The following BPI variants were observed in gnomAD, a reference collection of about 807,000 sequenced individuals.
BPI encodes bactericidal permeability-increasing protein.
A neutral mutation model predicts 57.6 loss-of-function variants in BPI; 48 were observed. The ratio of observed to expected loss-of-function variants is 0.83; its 90% CI spans 0.66 to 1.06. The LOEUF (loss-of-function observed/expected upper bound fraction) is 1.06. BPI is among the 50% of genes least tolerant of loss of function. The pLI is 0.00. For synonymous variants in BPI, 237 were observed against 238.2 expected, an observed-to-expected ratio of 0.99 and a Z score of 0.05; for missense variants, 651 against 609.7, an observed-to-expected ratio of 1.07 and a Z score of -0.71.
At chr20:38,327,969 G>C (rs928700208) in intron 11 of BPI, among the ~76,000 whole-genome samples, 1 of 152,152 alleles carries the variant, frequency 6.6e-6, no homozygotes, top group Non-Finnish European at 1.5e-5. Flanking sequence ...ATGGCTGGGA[G>C]GCGTCAGCTG....
At chr20:38,324,562 G>T (rs1430378932) in intron 8 of BPI, among the ~76,000 whole-genome samples, 1 of 152,148 alleles carries the variant, frequency 6.6e-6, no homozygotes, top group Non-Finnish European at 1.5e-5. Context: ...TCACTGACCA[G>T]CTCCTGACCA....
At chr20:38,334,932 C>A (rs956846886) in intron 13 of BPI, among the ~76,000 whole-genome samples, 1 of 152,120 alleles carries the variant, frequency 6.6e-6, no homozygotes, top group Non-Finnish European at 1.5e-5. Flanking sequence ...GCTTAGATCA[C>A]CACGCTGGTA....
intron 1 of BPI, among the ~76,000 whole-genome samples, chr20:38,304,972 C>A (rs1222998015): frequency 6.6e-6 from 1 of 152,222 alleles, no homozygotes; most frequent in East Asian, 1.9e-4. Context: ...TGCTGCTATC[C>A]ACATTTACAC....
intron 13 of BPI, 88 bp downstream of exon 13, chr20:38,334,581 A>G: frequency 1.5e-6 from 2 of 1,324,434 alleles, no homozygotes; most frequent in South Asian, 2.4e-5. Context: ...ACCTGGCCCC[A>G]GGTATGAGGG....
chr20:38,327,300 T>C (rs949316669), intron 10 of BPI, among the ~76,000 whole-genome samples: 1 of 152,172 alleles, frequency 6.6e-6, no homozygotes, highest in Non-Finnish European at 1.5e-5. Context: ...AATTAATGAA[T>C]GAGGGATTGT....
At chr20:38,330,972 C>A (rs2076739388) in intron 11 of BPI, 76 bp from the exon 12 acceptor site, 1 of 1,535,956 alleles carries the variant, frequency 6.5e-7, no homozygotes, top group South Asian at 1.1e-5. Context: ...CAGAGTGGGT[C>A]TCTCCTCTCT....
intron 5 of BPI, among the ~76,000 whole-genome samples, chr20:38,312,482 G>A (rs1377811257): frequency 1.3e-5 from 2 of 152,238 alleles, no homozygotes; most frequent in East Asian, 3.8e-4. Context: ...TACGGGATGA[G>A]GCCATTCATT....
chr20:38,327,791 T>G, intron 11 of BPI, 136 bp downstream of exon 11: 8 of 1,019,598 alleles, frequency 7.8e-6, no homozygotes, highest in South Asian at 1.5e-5. Flanking sequence ...CCTCAAAGAG[T>G]GTGCGATGGC....
At chr20:38,308,907 A>T (rs1407813358) in intron 2 of BPI, 23 bp from the exon 3 acceptor site, 1 of 1,613,910 alleles carries the variant, frequency 6.2e-7, no homozygotes, top group Non-Finnish European at 8.5e-7. Flanking sequence ...AAATTATATG[A>T]CATTCACATT....
At position 38,327,616 on chromosome 20, in the gene BPI, C is replaced by T. The variant is rs2076720031; in HGVS notation, c.1190C>T (p.Ala397Val). ...ACAACTGGTTCCATGGAGGTCAGCG[C>T]CGAGTCCAACAGGCTTGTTGGAGAG... ...MHTTGSMEVS[A>V]ESNRLVGELK... Residue 397 changes from alanine (A) to valine (V), a missense_variant, in exon 11 of 15, where the codon GCC becomes GTC. Physicochemically the swap from Ala to Val is moderately conservative, Grantham distance 64. Transcript: ENST00000642449. 2 of 1,613,458 alleles carry T rather than the reference C, an allele frequency of 1.2e-6. No homozygotes were observed. Among genetic ancestry groups the T allele is most frequent in the South Asian group, 2.2e-5 (2 of 91,076 alleles).
At chr20:38,329,025 A>ATAAG (rs2076728777) in intron 11 of BPI, among the ~76,000 whole-genome samples, 2 of 152,052 alleles carry the variant, frequency 1.3e-5, no homozygotes, top group African/African-American at 2.4e-5. Flanking sequence ...AAATAAATAA[A>ATAAG]TAAATAAACA....
chr20:38,323,992 C>T lies in BPI; in HGVS notation c.879C>T (p.Ala293=), dbSNP rs767125785. The T allele has an allele frequency of 1.4e-5, 22 of 1,614,018 alleles. No homozygotes were observed. The highest frequency in any genetic ancestry group is 4.0e-5 in the African/African-American group (3 of 74,916). The change falls in exon 8 of 15, where the codon GCC becomes GCT. Residue 293 remains alanine, a synonymous_variant. Coordinates refer to ENST00000642449, the MANE Select transcript of BPI (RefSeq NM_001725.3). The part of the protein sequence containing the change: ...LGLSDYFFNT[A]GLVYQEAGVL... ...TCTCAGACTACTTCTTCAACACAGC[C>T]GGGCTTGTATACCAAGAGGCTGGGG...
At chr20:38,315,062 T>C (rs2076645789) in intron 5 of BPI, among the ~76,000 whole-genome samples, 1 of 152,140 alleles carries the variant, frequency 6.6e-6, no homozygotes, top group Non-Finnish European at 1.5e-5. Flanking sequence ...ACTGAGTGTT[T>C]ACAGTGATCT....
At chr20:38,317,372 A>C (rs905094209) in intron 5 of BPI, among the ~76,000 whole-genome samples, 1 of 152,244 alleles carries the variant, frequency 6.6e-6, no homozygotes, top group Non-Finnish European at 1.5e-5. Context: ...TCTCTGCTCC[A>C]TGAGGTCTGA....
At chr20:38,332,535 G>A (rs1346607269) in intron 12 of BPI, among the ~76,000 whole-genome samples, 2 of 152,184 alleles carry the variant, frequency 1.3e-5, no homozygotes, top group Admixed American at 1.3e-4. Context: ...TAGGCACAGT[G>A]GGGTATAACA....
intron 7 of BPI, among the ~76,000 whole-genome samples, chr20:38,322,211 A>G (rs900415813): frequency 6.6e-6 from 1 of 152,142 alleles, no homozygotes; most frequent in Non-Finnish European, 1.5e-5. Context: ...ACGTAACCAA[A>G]GCTGCAGTGA....
chr20:38,318,176 C>T (rs757099741), intron 5 of BPI, among the ~76,000 whole-genome samples: 12 of 151,984 alleles, frequency 7.9e-5, no homozygotes, highest in Non-Finnish European at 1.6e-4. Context: ...GTTCCACACA[C>T]CAGGGCAGGA....
In BPI at chr20:38,310,578, G is replaced by A; in HGVS notation, c.462G>A (p.Lys154=). 1 of 1,614,166 alleles carries A rather than the reference G, an allele frequency of 6.2e-7. No individual in the cohort carries two copies. The highest frequency in any genetic ancestry group is 8.5e-7 in the Non-Finnish European group (1 of 1,180,026). The change falls in exon 4 of 15, where the codon AAG becomes AAA. Residue 154 remains lysine (K), a synonymous_variant. Coordinates refer to ENST00000642449, the MANE Select transcript of BPI (RefSeq NM_001725.3). ...TGGGCAGTAACCCCACGTCAGGCAA[G>A]CCCACCATCACCTGCTCCAGCTGCA... ...LKLGSNPTSG[K]PTITCSSCSS... is the part of the protein sequence containing the mutation.
Position 38,335,374 on chromosome 20 carries a change from A to T in BPI, c.1337-224A>T, listed in dbSNP as rs571181481. 1.9e-5 allele frequency: 11 copies of T among 582,734 alleles called. No homozygotes were observed. In the Admixed American group the frequency reaches 2.7e-4, roughly 14 times the overall value. 36.1% of individuals were successfully genotyped at this position (582,734 alleles called of 1,614,324 possible). On this transcript the variant is annotated intron_variant, in intron 13 of 14. Transcript: ENST00000642449. ...CTCAGGAGGGCCATCATGGGGATGG[A>T]GTCCACGCAGGTGCTAGAAGTGGAC... is the stretch of plus-strand genomic sequence containing the variant.
Sources: allele counts gnomAD v4.1 joint callset (sites outside exome capture counted in the v4.1 genomes callset), GRCh38; gene constraint gnomAD v4.1.1; transcripts MANE v1.5; gene names NCBI Gene and HGNC (gene_info 2026-07-23, HGNC 2026-07-21).